The following DUS2 variants were observed in gnomAD, a reference collection of about 807,000 sequenced individuals.
DUS2 encodes the protein tRNA-dihydrouridine(20) synthase [NAD(P)+]-like.
In DUS2, 52 loss-of-function variants were observed where a neutral mutation model predicts 71.3. The observed-to-expected ratio is 0.73, with a 90% CI of 0.58 to 0.92. DUS2 has a LOEUF of 0.92. Among genes scored for constraint, DUS2 ranks in the 40% least tolerant of loss-of-function variants. DUS2 has a pLI of 0.00. For missense variants in DUS2, 558 were observed against 622.6 expected, an observed-to-expected ratio of 0.90 and a Z score of 1.10; for synonymous variants, 204 against 227.8, an observed-to-expected ratio of 0.90 and a Z score of 0.94.
intron 7 of DUS2, 66 bp from the exon 8 acceptor site, chr16:68,061,000 C>T (rs1721688098): frequency 3.9e-6 from 6 of 1,527,524 alleles, no homozygotes; most frequent in Non-Finnish European, 5.4e-6. Flanking sequence ...TTGCCAGACC[C>T]CATCCCATGG....
intron 2 of DUS2, among the ~76,000 whole-genome samples, chr16:68,026,578 T>C (rs1453500023): frequency 6.6e-6 from 1 of 152,088 alleles, no homozygotes; most frequent in East Asian, 1.9e-4. Context: ...TCCCGAGTGA[T>C]GTTATTAAAG....
rs770298420 is a variant in DUS2, at chr16:68,071,122, CT to C, written c.810+19del. The C allele has an allele frequency of 2.8e-5, 45 of 1,612,736 alleles. No individual in the cohort carries two copies. In the South Asian group the frequency reaches 4.6e-4, roughly 17 times the overall value. On this transcript the variant is annotated intron_variant, in intron 12 of 16. Transcript: ENST00000565263. The stretch of plus-strand genomic sequence containing the variant: ...TACATCAGATACGTACGTCTCTGTA[CT>C]TTTTCAAAACAAGCATTTCTCACTG...
intron 4 of DUS2, 56 bp from the exon 5 acceptor site, chr16:68,053,508 T>C: frequency 6.5e-7 from 1 of 1,546,602 alleles, no homozygotes; most frequent in Non-Finnish European, 8.9e-7. Context: ...GGGCTTAGGC[T>C]AGCGTTGAAC....
At chr16:68,039,880 G>A (rs1357203388) in intron 3 of DUS2, among the ~76,000 whole-genome samples, 2 of 152,088 alleles carry the variant, frequency 1.3e-5, no homozygotes, top group Non-Finnish European at 2.9e-5. Context: ...AATAGAAATA[G>A]GGCTGCCAAC....
At chr16:68,026,281 G>T (rs1383223890) in intron 2 of DUS2, among the ~76,000 whole-genome samples, 1 of 152,064 alleles carries the variant, frequency 6.6e-6, no homozygotes, top group African/African-American at 2.4e-5. Flanking sequence ...GTGAGCCATT[G>T]TGCCCAGCCG....
At chr16:68,066,492 T>C (rs2034006911) in intron 9 of DUS2, 74 bp from the exon 10 acceptor site, 1 of 1,584,376 alleles carries the variant, frequency 6.3e-7, no homozygotes, top group Non-Finnish European at 8.7e-7. Flanking sequence ...AGAGTAGAGC[T>C]GAGCCTACTT....
rs576386610 is a variant in DUS2, at chr16:68,038,003, C to T, written c.-18-3C>T. ...TGACTCTTGTTTCCTCTTTTTTTTT[C>T]AGGCTGTAACAGAGGAGGAAATGAT... On this transcript the variant is annotated splice_polypyrimidine_tract_variant and splice_region_variant and intron_variant, in intron 2 of 16. Coordinates refer to ENST00000565263, the MANE Select transcript of DUS2 (RefSeq NM_017803.5). 1.9e-6 allele frequency: 3 copies of T among 1,583,720 alleles called. No individual in the cohort carries two copies. Among genetic ancestry groups the T allele is most frequent in the South Asian group, 1.2e-5 (1 of 85,876 alleles).
At chr16:68,067,382 A>G (rs2034025690) in intron 10 of DUS2, among the ~76,000 whole-genome samples, 1 of 139,838 alleles carries the variant, frequency 7.2e-6, no homozygotes, top group Non-Finnish European at 1.5e-5. Flanking sequence ...CCCGGGTTCA[A>G]GTGATTCTCC....
Position 68,076,892 on chromosome 16 carries a change from C to G in DUS2, c.1170+173C>G, listed in dbSNP as rs147401131. Reference sequence around the variant, plus strand: ...CTCCCCTCTTACAGTGGCCTGTTGTCCAGTTCAGCCAGACATCTCTCTTTT... The same window carrying G: ...CTCCCCTCTTACAGTGGCCTGTTGTGCAGTTCAGCCAGACATCTCTCTTTT... On this transcript the variant is annotated intron_variant, in intron 15 of 16. Coordinates refer to ENST00000565263, the MANE Select transcript of DUS2 (RefSeq NM_017803.5). 9.4e-4 allele frequency among the ~76,000 whole-genome samples: 141 copies of G among 150,692 alleles called. 1 individual carries two copies. The East Asian group carries it at 0.025, about 26-fold the overall frequency.
chr16:68,038,267 C>T, intron 3 of DUS2, 118 bp downstream of exon 3: 2 of 1,402,260 alleles, frequency 1.4e-6, no homozygotes. Flanking sequence ...TATAGGTGTT[C>T]ACCAAAGGCT....
At chr16:68,066,281 G>A (rs760728678) in intron 8 of DUS2, 36 bp from the exon 9 acceptor site, 1 of 1,603,546 alleles carries the variant, frequency 6.2e-7, no homozygotes, top group Admixed American at 1.7e-5. Flanking sequence ...GTTTGTTCCA[G>A]AAGACATAGG....
intron 8 of DUS2, among the ~76,000 whole-genome samples, chr16:68,064,429 A>G (rs945435164): frequency 2.0e-5 from 3 of 152,220 alleles, no homozygotes; most frequent in African/African-American, 7.2e-5. Context: ...AATACTGAAG[A>G]AAGTACTGAG....
chr16:68,078,847 T>C lies in DUS2; in HGVS notation c.1343T>C (p.Leu448Ser). 1 of 1,613,786 alleles carries C rather than the reference T, an allele frequency of 6.2e-7. No individual in the cohort carries two copies. Among genetic ancestry groups the C allele is most frequent in the African/African-American group, 1.3e-5 (1 of 75,054 alleles). Residue 448 changes from leucine to serine, a missense_variant, in exon 17 of 17, where the codon TTG becomes TCG. Leu to Ser is a moderately radical substitution (Grantham distance 145). Coordinates refer to ENST00000565263, the MANE Select transcript of DUS2 (RefSeq NM_017803.5). ...EGRLGEESPS[L>S]HKRKREAPDQ... ...CGGCTGGGTGAGGAGAGCCCTTCCT[T>C]GCACAAGCGAAAGAGGGAGGCTCCT...
chr16:68,050,063 T>C (rs1227692281), intron 4 of DUS2, among the ~76,000 whole-genome samples: 1 of 152,240 alleles, frequency 6.6e-6, no homozygotes, highest in East Asian at 1.9e-4. Context: ...TGATACTTTA[T>C]TGATGAGGCT....
Position 68,052,645 on chromosome 16 carries a change from CT to C in DUS2, c.173-904del, listed in dbSNP as rs199978338. 4.0e-3 allele frequency among the ~76,000 whole-genome samples: 572 copies of C among 141,794 alleles called. 2 individuals are homozygous for C. Among genetic ancestry groups the C allele is most frequent in the Middle Eastern group, 7.1e-3 (2 of 280 alleles). 93.0% of individuals were successfully genotyped at this position (141,794 alleles called of 152,430 possible). Reference sequence around the variant, plus strand: ...ACATAGACAAACTTCCATGTATGGACTTTTTTTTTTTTTTTGAGACAGAGCC... The same window carrying C: ...ACATAGACAAACTTCCATGTATGGACTTTTTTTTTTTTTTGAGACAGAGCC... On this transcript the variant is annotated intron_variant, in intron 4 of 16. Transcript: ENST00000565263.
intron 3 of DUS2, among the ~76,000 whole-genome samples, chr16:68,047,256 A>T (rs1485983665): frequency 1.6e-5 from 2 of 124,284 alleles, no homozygotes; most frequent in Non-Finnish European, 3.4e-5. Context: ...GAGTTTCACC[A>T]TGTTGGCCAG....
intron 4 of DUS2, among the ~76,000 whole-genome samples, chr16:68,050,852 G>C (rs1177502704): frequency 6.6e-6 from 1 of 152,186 alleles, no homozygotes; most frequent in Non-Finnish European, 1.5e-5. Context: ...GTATTTTGCT[G>C]TTATAAACAG....
At chr16:68,052,935 G>A (rs924215317) in intron 4 of DUS2, among the ~76,000 whole-genome samples, 4 of 149,746 alleles carry the variant, frequency 2.7e-5, no homozygotes, top group Admixed American at 6.7e-5. Flanking sequence ...GAGCCACTGC[G>A]CCCGGCTATG....
Position 68,056,399 on chromosome 16 carries a change from G to T in DUS2, c.344G>T (p.Gly115Val). ...NDVAGIDVNM[G>V]CPKQYSTKGG... ...GTGGCTGGTATTGATGTCAACATGG[G>T]CTGTCCAAAACAATATTCCACCAAG... Residue 115 changes from glycine (G) to valine (V), a missense_variant, in exon 7 of 17, where the codon GGC becomes GTC. Gly to Val is a moderately radical substitution (Grantham distance 109, BLOSUM62 -3). Coordinates refer to ENST00000565263, the MANE Select transcript of DUS2 (RefSeq NM_017803.5). 1 of 1,613,640 alleles carries T rather than the reference G, an allele frequency of 6.2e-7. No homozygotes were observed. Among genetic ancestry groups the T allele is most frequent in the South Asian group, 1.1e-5 (1 of 91,010 alleles).
Sources: gnomAD v4.1 joint callset for allele counts (sites outside exome capture counted in the v4.1 genomes callset) on GRCh38, gnomAD v4.1.1 for gene constraint, MANE v1.5 for transcripts, NCBI Gene and HGNC (gene_info 2026-07-23, HGNC 2026-07-21) for gene names.